The following CCNL1 variants were observed in gnomAD, a reference collection of about 807,000 sequenced individuals.
CCNL1 encodes cyclin-L1.
A neutral mutation model predicts 60.6 loss-of-function variants in CCNL1; 13 were observed. The observed-to-expected ratio is 0.21, with a 90% CI of 0.14 to 0.34. CCNL1 has a LOEUF of 0.34. Among genes scored for constraint, CCNL1 ranks in the 10% least tolerant of loss-of-function variants. The pLI, the probability that CCNL1 is intolerant of heterozygous loss-of-function variation, is 1.00. For synonymous variants in CCNL1, 270 were observed against 244.3 expected (o/e 1.10, Z -0.98); for missense variants, 481 against 664.3 (o/e 0.72, Z 3.03).
chr3:157,155,679 T>C (rs1263514885), intron 3 of CCNL1, among the ~76,000 whole-genome samples: 4 of 152,294 alleles, frequency 2.6e-5, no homozygotes, highest in South Asian at 2.1e-4. Flanking sequence ...TTAAAAAATA[T>C]ATCTCCATCA....
At chr3:157,158,820 G>A (rs745632517) in intron 3 of CCNL1, 46 bp downstream of exon 3, 8 of 1,215,180 alleles carry the variant, frequency 6.6e-6, no homozygotes, top group East Asian at 4.6e-5. Flanking sequence ...CTGGTGCACG[G>A]TACAGCAGTA....
In CCNL1 at chr3:157,150,396, A is replaced by C; in HGVS notation, c.675-15T>G. 1 of 1,611,748 alleles carries C rather than the reference A, an allele frequency of 6.2e-7. No individual in the cohort carries two copies. On this transcript the variant is annotated splice_polypyrimidine_tract_variant and intron_variant, in intron 5 of 10. Coordinates refer to ENST00000295926, the MANE Select transcript of CCNL1 (RefSeq NM_020307.4). ...TCATGTAATTCCTGAAAAATATTTC[A>C]ACTATAAGCTTGCATGTAAACAAAC...
intron 3 of CCNL1, among the ~76,000 whole-genome samples, chr3:157,154,933 T>TACATACATACATACATAC (rs1553850934): frequency 3.4e-5 from 5 of 147,886 alleles, no homozygotes; most frequent in Admixed American, 2.7e-4. Flanking sequence ...TCTCCATATA[T>TACATACATACATACATAC]ATACATACAT....
At chr3:157,143,870 G>A (rs1039934604), downstream of CCNL1, among the ~76,000 whole-genome samples, 2 of 152,138 alleles carry the variant, frequency 1.3e-5, no homozygotes, top group Non-Finnish European at 1.5e-5. Context: ...GGCTGGCAAG[G>A]GGCATTTTAC....
At chr3:157,152,874 C>A in intron 4 of CCNL1, 162 bp downstream of exon 4, 1 of 1,379,290 alleles carries the variant, frequency 7.3e-7, no homozygotes, top group South Asian at 1.7e-5. Flanking sequence ...ACTGATAAAT[C>A]TCAACATCCA....
chr3:157,144,954 G>A (rs555368497), downstream of CCNL1, among the ~76,000 whole-genome samples: 2 of 152,262 alleles, frequency 1.3e-5, no homozygotes, highest in Non-Finnish European at 2.9e-5. Flanking sequence ...TAATAATGGG[G>A]TTATAAGTGG....
chr3:157,148,352 A>G lies in CCNL1; in HGVS notation c.1470T>C (p.His490=), dbSNP rs1737896334. Residue 490 remains histidine, a synonymous_variant, in exon 11 of 11, where the codon CAT becomes CAC. Transcript: ENST00000295926. ...DHSDAAKKHR[H]ERGHHRDRRE... ...GCCTGTCCCTATGATGTCCCCTTTC[A>G]TGCCTGTGTTTCTTGGCTGCATCTG... The G allele has an allele frequency of 6.2e-7, 1 of 1,613,988 alleles. No homozygotes were observed. Among genetic ancestry groups the G allele is most frequent in the Non-Finnish European group, 8.5e-7 (1 of 1,180,024 alleles).
At chr3:157,144,576 T>C (rs74490163), downstream of CCNL1, among the ~76,000 whole-genome samples, 3,120 of 152,326 alleles carry the variant, frequency 0.02, 100 homozygotes, top group African/African-American at 0.072. Context: ...TTCAAATGGT[T>C]AGAACATCAG....
intron 3 of CCNL1, chr3:157,154,491 A>C (rs1738439462): frequency 6.6e-6 from 1 of 152,102 alleles, no homozygotes; most frequent in South Asian, 2.1e-4. Context: ...CATCCTCTCT[A>C]CCCCAATGCA....
chr3:157,152,303 A>G, intron 4 of CCNL1, 62 bp from the exon 5 acceptor site: 1 of 1,567,736 alleles, frequency 6.4e-7, no homozygotes, highest in South Asian at 1.2e-5. Context: ...AGTAGAGTTC[A>G]ATGAAAAAAG....
chr3:157,151,948 A>T, intron 5 of CCNL1: 1 of 1,324,162 alleles, frequency 7.6e-7, no homozygotes, highest in Non-Finnish European at 9.7e-7. Context: ...TAAAGAGTAG[A>T]AAAAAGAACA....
At chr3:157,153,693 A>C (rs1291723364) in intron 3 of CCNL1, 1 of 152,302 alleles carries the variant, frequency 6.6e-6, no homozygotes, top group African/African-American at 2.4e-5. Context: ...AGTACTATAA[A>C]GTCCTCATAA....
At chr3:157,156,907 T>C (rs1008537890) in intron 3 of CCNL1, 1 of 1,282,124 alleles carries the variant, frequency 7.8e-7, no homozygotes, top group African/African-American at 1.5e-5. Flanking sequence ...GAAACAGGAG[T>C]TTTTCTAAAT....
Position 157,153,017 on chromosome 3 carries a change from T to C in CCNL1, c.609+19A>G. On this transcript the variant is annotated intron_variant, in intron 4 of 10. Coordinates refer to ENST00000295926, the MANE Select transcript of CCNL1 (RefSeq NM_020307.4). The stretch of plus-strand genomic sequence containing the variant: ...AGTCCTAATACTTACGAACCCAATT[T>C]CTGTACTCTACAACTCACCTTATGA... The C allele has an allele frequency of 6.2e-7, 1 of 1,611,880 alleles. No individual in the cohort carries two copies. Among genetic ancestry groups the C allele is most frequent in the East Asian group, 2.2e-5 (1 of 44,816 alleles).
chr3:157,148,088 T>A lies in CCNL1; in HGVS notation c.*153A>T. 7.1e-7 allele frequency: 1 copy of A among 1,402,218 alleles called. No homozygotes were observed. Among genetic ancestry groups the A allele is most frequent in the South Asian group, 1.8e-5 (1 of 55,438 alleles). 86.9% of individuals were successfully genotyped at this position (1,402,218 alleles called of 1,614,324 possible). A position where few individuals can be genotyped will look rare whatever the true frequency, so the allele number is the denominator to read the frequency against. Reference sequence around the variant, plus strand: ...TGCAAAAAAATTAACATAGTTCTTTTCAAAAGAAACTGTCCTCAGTGTTCT... The same window carrying A: ...TGCAAAAAAATTAACATAGTTCTTTACAAAAGAAACTGTCCTCAGTGTTCT... On this transcript the variant is annotated 3_prime_UTR_variant, in exon 11 of 11. Coordinates refer to ENST00000295926, the MANE Select transcript of CCNL1 (RefSeq NM_020307.4).
At chr3:157,159,529 C>A (rs1157113162) in intron 1 of CCNL1, 50 bp from the exon 2 acceptor site, 1 of 1,518,304 alleles carries the variant, frequency 6.6e-7, no homozygotes, top group Non-Finnish European at 9.1e-7. Flanking sequence ...CGGGCCCGCT[C>A]CAGGCGCCGC....
At chr3:157,151,251 C>T (rs1204930746) in intron 5 of CCNL1, 2 of 985,308 alleles carry the variant, frequency 2.0e-6, no homozygotes, top group Non-Finnish European at 2.4e-6. Context: ...ATAAAAAGGA[C>T]ATCTTGCTGG....
In CCNL1 at chr3:157,159,999, C is replaced by T; in HGVS notation, c.96G>A (p.Thr32=). ...AGGSSSGTTT[T]TTTTTGGILI... is the part of the protein sequence containing the mutation. The stretch of plus-strand genomic sequence containing the variant: ...GGATCCCTCCCGTCGTGGTCGTCGT[C>T]GTGGTCGTCGTCCCGGAGCTGGAGC... The change falls in exon 1 of 11, where the codon ACG becomes ACA. Residue 32 remains threonine, a synonymous_variant. Coordinates refer to ENST00000295926, the MANE Select transcript of CCNL1 (RefSeq NM_020307.4). 1 of 1,575,626 alleles carries T rather than the reference C, an allele frequency of 6.3e-7. No individual in the cohort carries two copies. The highest frequency in any genetic ancestry group is 8.6e-7 in the Non-Finnish European group (1 of 1,161,006).
chr3:157,157,056 C>T (rs1186771725), intron 3 of CCNL1: 1 of 1,289,818 alleles, frequency 7.8e-7, no homozygotes, highest in Non-Finnish European at 1.0e-6. Context: ...CTCCACATCA[C>T]CCAGGCTTTG....
Sources: gnomAD v4.1 joint callset for allele counts (sites outside exome capture counted in the v4.1 genomes callset) on GRCh38, gnomAD v4.1.1 for gene constraint, MANE v1.5 for transcripts, NCBI Gene and HGNC (gene_info 2026-07-23, HGNC 2026-07-21) for gene names.